DDX19B: variants seen among roughly 807,000 people sequenced by gnomAD.
DDX19B encodes the protein ATP-dependent RNA helicase DDX19B.
A neutral mutation model predicts 58.1 loss-of-function variants in DDX19B; 27 were observed. The observed-to-expected ratio is 0.46, with a 90% CI of 0.34 to 0.64. The LOEUF is 0.64. DDX19B is among the 30% of genes least tolerant of loss of function. The pLI, the probability that DDX19B is intolerant of heterozygous loss-of-function variation, is 0.01. For synonymous variants in DDX19B, 187 were observed against 214.4 expected, an observed-to-expected ratio of 0.87 and a Z score of 1.12; for missense variants, 399 against 596.5, an observed-to-expected ratio of 0.67 and a Z score of 3.45.
chr16:70,319,918 A>G (rs1431701123), intron 5 of DDX19B, among the ~76,000 whole-genome samples: 1 of 152,038 alleles, frequency 6.6e-6, no homozygotes, highest in African/African-American at 2.4e-5. Flanking sequence ...ATAAAAATAG[A>G]TATTTTAGGT....
At chr16:70,314,712 G>A in intron 2 of DDX19B, 190 bp from the exon 3 acceptor site, 2 of 499,166 alleles carry the variant, frequency 4.0e-6, no homozygotes, top group Non-Finnish European at 7.7e-6. Context: ...ATATATATAT[G>A]TGAGCAACAG....
chr16:70,312,820 A>G (rs1962161165), intron 2 of DDX19B, among the ~76,000 whole-genome samples, 163 bp downstream of exon 2: 1 of 152,098 alleles, frequency 6.6e-6, no homozygotes, highest in African/African-American at 2.4e-5. Flanking sequence ...TTGTATGACC[A>G]AAGTGTTTTT....
intron 9 of DDX19B, among the ~76,000 whole-genome samples, chr16:70,330,653 C>G (rs1044425781): frequency 6.6e-6 from 1 of 152,116 alleles, no homozygotes; most frequent in African/African-American, 2.4e-5. Context: ...TGGGCAAGTA[C>G]CTGTAGTCCC....
In DDX19B at chr16:70,333,789, G is replaced by T; in HGVS notation, c.*207G>T. 1 of 706,510 alleles carries T rather than the reference G, an allele frequency of 1.4e-6. No homozygotes were observed. Among genetic ancestry groups the T allele is most frequent in the Non-Finnish European group, 2.4e-6 (1 of 418,158 alleles). The allele number at this position is 706,510 out of a possible 1,614,324, so 43.8% of individuals were successfully genotyped here. ...GAAAAAAATTATTTACACAACCTTG[G>T]AAGATTAGGCATGAATACACAGAGA... is the stretch of plus-strand genomic sequence containing the variant. On this transcript the variant is annotated 3_prime_UTR_variant, in exon 12 of 12. Transcript: ENST00000288071.
At chr16:70,307,529 AT>A (rs1961822469) in intron 1 of DDX19B, among the ~76,000 whole-genome samples, 1 of 151,164 alleles carries the variant, frequency 6.6e-6, no homozygotes, top group African/African-American at 2.4e-5. Flanking sequence ...TGCCCAGCCA[AT>A]TTTTCATATT....
chr16:70,331,200 A>G (rs1963463674), intron 9 of DDX19B, among the ~76,000 whole-genome samples: 1 of 152,052 alleles, frequency 6.6e-6, no homozygotes, highest in Admixed American at 6.6e-5. Flanking sequence ...TGCCCCATGC[A>G]TGTCAGCCTA....
chr16:70,329,700 TGCTCCTCCTC>T, intron 8 of DDX19B, 121 bp from the exon 9 acceptor site: 1 of 1,335,194 alleles, frequency 7.5e-7, no homozygotes, highest in Non-Finnish European at 1.0e-6. Context: ...CCAGGCCTGC[TGCTCCTCCTC>T]CCCAAGACGC....
intron 1 of DDX19B, among the ~76,000 whole-genome samples, chr16:70,307,055 T>G (rs1961791903): frequency 1.3e-5 from 2 of 152,238 alleles, no homozygotes; most frequent in South Asian, 4.1e-4. Context: ...CAGTACTTTA[T>G]TCCTTATTGT....
chr16:70,325,739 G>C lies in DDX19B; in HGVS notation c.607+51G>C, dbSNP rs1439767267. 5.8e-6 allele frequency: 8 copies of C among 1,385,334 alleles called. No homozygotes were observed. In the East Asian group the frequency reaches 1.8e-4, roughly 32 times the overall value. The allele number at this position is 1,385,334 out of a possible 1,614,324, so 85.8% of individuals were successfully genotyped here. The stretch of plus-strand genomic sequence containing the variant: ...TCATCAACCTAATTCTTTTTATTTT[G>C]AAATATTTCAAAACCCACCCAATAG... On this transcript the variant is annotated intron_variant, in intron 7 of 11. Transcript: ENST00000288071.
At chr16:70,299,021 G>A, upstream of DDX19B, 1 of 695,682 alleles carries the variant, frequency 1.4e-6, no homozygotes, top group Non-Finnish European at 2.0e-6. Flanking sequence ...GTTAACCAGA[G>A]CTTAGGCATT....
chr16:70,320,792 C>T (rs1291926399), intron 5 of DDX19B, among the ~76,000 whole-genome samples: 2 of 151,154 alleles, frequency 1.3e-5, no homozygotes, highest in South Asian at 2.1e-4. Flanking sequence ...CTCCTGACCT[C>T]GTGATCCAGC....
At chr16:70,316,143 C>A (rs751846263) in intron 4 of DDX19B, 39 bp downstream of exon 4, 1 of 1,612,490 alleles carries the variant, frequency 6.2e-7, no homozygotes, top group Admixed American at 1.7e-5. Flanking sequence ...CCCCTTTGCA[C>A]TGAAATAGAG....
chr16:70,317,592 T>C lies in DDX19B; in HGVS notation c.389+4T>C. 1 of 1,607,110 alleles carries C rather than the reference T, an allele frequency of 6.2e-7. No individual in the cohort carries two copies. Among genetic ancestry groups the C allele is most frequent in the Non-Finnish European group, 8.5e-7 (1 of 1,175,110 alleles). On this transcript the variant is annotated splice_donor_region_variant and intron_variant, in intron 5 of 11. Transcript: ENST00000288071. ...TGCCACTGATGCTTGCTGAGCCGTA[T>C]GTGTCCTATTACAACTCCATTTCAT...
At chr16:70,303,610 G>T (rs931552587) in intron 1 of DDX19B, among the ~76,000 whole-genome samples, 3 of 152,204 alleles carry the variant, frequency 2.0e-5, no homozygotes, top group African/African-American at 7.2e-5. Flanking sequence ...GGGCTGGAGT[G>T]CAGTGGTGCC....
At chr16:70,322,600 A>AG (rs1159483181) in intron 5 of DDX19B, among the ~76,000 whole-genome samples, 5 of 150,944 alleles carry the variant, frequency 3.3e-5, no homozygotes, top group African/African-American at 1.2e-4. Context: ...AAAAAAAAAA[A>AG]AAAAAAAAAA....
At chr16:70,290,103 TAC>T, upstream of DDX19B, 1 of 237,094 alleles carries the variant, frequency 4.2e-6, no homozygotes. Flanking sequence ...TATATATATA[TAC>T]ATATACATAT....
chr16:70,307,766 C>T (rs1321226006), intron 1 of DDX19B, among the ~76,000 whole-genome samples: 1 of 151,556 alleles, frequency 6.6e-6, no homozygotes, highest in Non-Finnish European at 1.5e-5. Flanking sequence ...TTCTGTCACC[C>T]AGGCTGGAAT....
At chr16:70,293,115 T>G (rs2152177441), upstream of DDX19B, among the ~76,000 whole-genome samples, 1 of 150,064 alleles carries the variant, frequency 6.7e-6, no homozygotes, top group East Asian at 2.0e-4. Flanking sequence ...TAAAAAATAA[T>G]AAAAACAACA....
chr16:70,316,813 G>A (rs1391491075), intron 4 of DDX19B, among the ~76,000 whole-genome samples: 2 of 152,176 alleles, frequency 1.3e-5, no homozygotes, highest in Admixed American at 6.5e-5. Flanking sequence ...GCTCATGCCT[G>A]TAATCCCAGC....
Sources: allele counts gnomAD v4.1 joint callset (sites outside exome capture counted in the v4.1 genomes callset), GRCh38; gene constraint gnomAD v4.1.1; transcripts MANE v1.5; gene names NCBI Gene and HGNC (gene_info 2026-07-23, HGNC 2026-07-21).